MTUS2: variants seen among roughly 807,000 people sequenced by gnomAD.
The protein encoded by MTUS2 is microtubule associated scaffold protein 2.
MTUS2 carries 40 observed loss-of-function variants against 114.1 expected under a neutral mutation model. The observed-to-expected ratio is 0.35, with a 90% confidence interval of 0.27 to 0.46. The LOEUF (loss-of-function observed/expected upper bound fraction) is 0.46, where lower values mean the gene tolerates loss of function less well. Ranked by LOEUF, MTUS2 falls within the 20% of genes least tolerant of loss-of-function variation. The probability of loss-of-function intolerance (pLI) is 1.00; values close to 1 mark genes in which losing one functional copy is unlikely to be tolerated. For missense variants in MTUS2, 1,679 were observed against 1,705.4 expected, an observed-to-expected ratio of 0.98 and a Z score of 0.27; for synonymous variants, 688 against 672.0, an observed-to-expected ratio of 1.02 and a Z score of -0.37.
At chr13:29,407,895 G>A (rs997456590) in intron 8 of MTUS2, among the ~76,000 whole-genome samples, 46 of 152,032 alleles carry the variant, frequency 3.0e-4, no homozygotes, top group African/African-American at 1.1e-3. Context: ...GGTTTGAATC[G>A]GTGTCATATT....
At chr13:28,987,604 G>A (rs1253539692) in intron 2 of MTUS2, among the ~76,000 whole-genome samples, 3 of 152,116 alleles carry the variant, frequency 2.0e-5, no homozygotes, top group African/African-American at 4.8e-5. Context: ...GGTGGGGGCC[G>A]TCCCTGAGAC....
chr13:29,386,433 A>T (rs1872636553), intron 8 of MTUS2, among the ~76,000 whole-genome samples: 2 of 152,204 alleles, frequency 1.3e-5, no homozygotes, highest in South Asian at 4.1e-4. Flanking sequence ...GTGATCAGAG[A>T]TCTAGGTGAG....
At chr13:28,956,054 GCC>G (rs35847187) in intron 2 of MTUS2, among the ~76,000 whole-genome samples, 4 of 140,148 alleles carry the variant, frequency 2.9e-5, no homozygotes, top group African/African-American at 5.4e-5. Context: ...TCTGTCTCTT[GCC>G]CCCCCCCATC....
chr13:28,898,307 A>C (rs1197362870), intron 2 of MTUS2, among the ~76,000 whole-genome samples: 1 of 152,182 alleles, frequency 6.6e-6, no homozygotes, highest in Admixed American at 6.5e-5. Flanking sequence ...GGTTCTGATG[A>C]GTTCTGAAGG....
intron 2 of MTUS2, among the ~76,000 whole-genome samples, chr13:28,891,415 G>C (rs1273541458): frequency 1.3e-5 from 2 of 152,090 alleles, no homozygotes; most frequent in African/African-American, 4.8e-5. Context: ...ACAATGTATT[G>C]CCTATTCAAA....
intron 9 of MTUS2, among the ~76,000 whole-genome samples, chr13:29,474,094 T>C (rs1286185610): frequency 6.6e-6 from 1 of 152,204 alleles, no homozygotes; most frequent in Non-Finnish European, 1.5e-5. Flanking sequence ...AGAGAGCCAT[T>C]GGAAGAATGT....
At chr13:29,096,556 C>T (rs560291356) in intron 4 of MTUS2, among the ~76,000 whole-genome samples, 1 of 152,350 alleles carries the variant, frequency 6.6e-6, no homozygotes, top group South Asian at 2.1e-4. Flanking sequence ...CTTCATGGAG[C>T]TACCAGCCTC....
At chr13:29,237,768 G>A (rs1566084115) in intron 5 of MTUS2, among the ~76,000 whole-genome samples, 1 of 152,064 alleles carries the variant, frequency 6.6e-6, no homozygotes, top group Non-Finnish European at 1.5e-5. Context: ...GTAGACATTT[G>A]TCAAAAGAAG....
rs142336546 is a variant in MTUS2 at position 29,238,384 on chromosome 13, G to A, written c.2645-43320G>A. On this transcript the variant is annotated intron_variant, in intron 5 of 15. Coordinates refer to ENST00000612955, the MANE Select transcript of MTUS2 (RefSeq NM_001033602.4). ...TCTCACAATAGGCTGTCTGCAAGCTGAGGAGCAAGGAAGCCAGTCCGAGTC... is the reference window on the plus strand; with the variant it reads ...TCTCACAATAGGCTGTCTGCAAGCTAAGGAGCAAGGAAGCCAGTCCGAGTC... Among the ~76,000 whole-genome samples the A allele has an allele frequency of 1.3e-3, 201 of 152,322 alleles. 1 individual carries two copies. Among genetic ancestry groups the A allele is most frequent in the African/African-American group, 4.6e-3 (191 of 41,570 alleles).
chr13:29,398,481 G>GA (rs1874077854), intron 8 of MTUS2, among the ~76,000 whole-genome samples: 1 of 107,288 alleles, frequency 9.3e-6, no homozygotes. Flanking sequence ...AAAAAAAAAA[G>GA]AAAGAAAAAG....
chr13:28,989,716 T>C (rs1395166725), intron 2 of MTUS2, among the ~76,000 whole-genome samples: 1 of 151,590 alleles, frequency 6.6e-6, no homozygotes. Flanking sequence ...GTATGAGGGG[T>C]GAGGATGGGG....
intron 5 of MTUS2, among the ~76,000 whole-genome samples, chr13:29,205,937 G>A (rs1210164022): frequency 2.0e-5 from 3 of 152,186 alleles, no homozygotes; most frequent in Non-Finnish European, 4.4e-5. Flanking sequence ...TAGTGGGATT[G>A]CTGGATCAAA....
At chr13:29,043,943 T>C (rs1374856291) in intron 4 of MTUS2, among the ~76,000 whole-genome samples, 1 of 152,140 alleles carries the variant, frequency 6.6e-6, no homozygotes, top group Non-Finnish European at 1.5e-5. Flanking sequence ...CTTCTAGATA[T>C]ATTATGAATC....
chr13:29,259,400 G>A (rs915510249), intron 5 of MTUS2, among the ~76,000 whole-genome samples: 15 of 152,212 alleles, frequency 9.9e-5, no homozygotes, highest in Non-Finnish European at 1.9e-4. Context: ...CAATATCAGA[G>A]TCATAAAATT....
At chr13:28,856,737 G>T (rs889999901) in intron 2 of MTUS2, among the ~76,000 whole-genome samples, 3 of 152,038 alleles carry the variant, frequency 2.0e-5, no homozygotes, top group African/African-American at 4.8e-5. Context: ...GCCTAAGGAG[G>T]ATTTAAAAAA....
chr13:29,452,109 A>T (rs1281322209), intron 9 of MTUS2, among the ~76,000 whole-genome samples: 1 of 152,196 alleles, frequency 6.6e-6, no homozygotes, highest in African/African-American at 2.4e-5. Context: ...TTTAGTTTCT[A>T]TCCCAAACAG....
intron 7 of MTUS2, among the ~76,000 whole-genome samples, chr13:29,328,643 T>C (rs1900631511): frequency 6.6e-6 from 1 of 152,178 alleles, no homozygotes; most frequent in Non-Finnish European, 1.5e-5. Flanking sequence ...ATGGAAAATG[T>C]CTCTTTAAAG....
upstream of MTUS2, among the ~76,000 whole-genome samples, chr13:28,820,027 G>A (rs940602535): frequency 2.0e-5 from 3 of 147,104 alleles, no homozygotes; most frequent in Non-Finnish European, 3.0e-5. Flanking sequence ...CCTACCGCTC[G>A]GGCCCGCTCG....
intron 5 of MTUS2, among the ~76,000 whole-genome samples, chr13:29,264,549 C>T (rs2139477160): frequency 6.6e-6 from 1 of 152,386 alleles, no homozygotes; most frequent in East Asian, 1.9e-4. Context: ...CAGCAGGCTC[C>T]CGCCTGGATA....
Sources: gnomAD v4.1 joint callset for allele counts (sites outside exome capture counted in the v4.1 genomes callset) on GRCh38, gnomAD v4.1.1 for gene constraint, MANE v1.5 for transcripts, NCBI Gene and HGNC (gene_info 2026-07-23, HGNC 2026-07-21) for gene names.